Variants in ST6GAL2 observed in about 807,000 individuals in gnomAD.
ST6GAL2 encodes ST6 beta-galactoside alpha-2,6-sialyltransferase 2.
ST6GAL2 carries 24 observed loss-of-function variants against 37.5 expected under a neutral mutation model. The observed-to-expected ratio is 0.64, with a 90% confidence interval of 0.46 to 0.90. The LOEUF is 0.90. Among genes scored for constraint, ST6GAL2 ranks in the 40% least tolerant of loss-of-function variants. ST6GAL2 has a pLI of 0.00. For synonymous variants in ST6GAL2, 306 were observed against 295.1 expected, an observed-to-expected ratio of 1.04 and a Z score of -0.38; for missense variants, 715 against 712.7, an observed-to-expected ratio of 1.00 and a Z score of -0.04.
intron 1 of ST6GAL2, among the ~76,000 whole-genome samples, chr2:106,847,154 C>T (rs1348614615): frequency 6.6e-6 from 1 of 152,168 alleles, no homozygotes; most frequent in Non-Finnish European, 1.5e-5. Context: ...TTTAATATTT[C>T]CATTTCTGAA....
chr2:106,875,820 G>C (rs561779377), intron 1 of ST6GAL2, among the ~76,000 whole-genome samples: 188 of 152,236 alleles, frequency 1.2e-3, no homozygotes, highest in Non-Finnish European at 2.1e-3. Flanking sequence ...ATTATAATTG[G>C]GATAGAAATA....
At chr2:106,821,038 T>G (rs1675983897) in intron 5 of ST6GAL2, among the ~76,000 whole-genome samples, 1 of 151,766 alleles carries the variant, frequency 6.6e-6, no homozygotes, top group Admixed American at 6.6e-5. Flanking sequence ...AGCATCTACA[T>G]AAAAAAGTAG....
At chr2:106,827,076 G>A (rs1305673316) in intron 5 of ST6GAL2, among the ~76,000 whole-genome samples, 2 of 152,144 alleles carry the variant, frequency 1.3e-5, no homozygotes, top group Non-Finnish European at 2.9e-5. Flanking sequence ...TTTCATTCAG[G>A]AGCTGACGTT....
intron 1 of ST6GAL2, among the ~76,000 whole-genome samples, chr2:106,853,101 A>G (rs1001359874): frequency 3.3e-5 from 5 of 152,182 alleles, no homozygotes; most frequent in South Asian, 2.1e-4. Flanking sequence ...TAAAATTTTA[A>G]TAAGATTTAT....
Position 106,873,359 on chromosome 2 carries a change from T to C in ST6GAL2, c.-58+12734A>G, listed in dbSNP as rs906800019. On this transcript the variant is annotated intron_variant, in intron 1 of 5. Transcript: ENST00000409382. Reference sequence around the variant, plus strand: ...AATTCTTCATGGACAACTGATGTTGTATACTCCCCCTGGGGCAGAAGTACC... The same window carrying C: ...AATTCTTCATGGACAACTGATGTTGCATACTCCCCCTGGGGCAGAAGTACC... 3.3e-5 allele frequency among the ~76,000 whole-genome samples: 5 copies of C among 152,344 alleles called. No homozygotes were observed. In the South Asian group the frequency reaches 1.0e-3, roughly 32 times the overall value.
intron 1 of ST6GAL2, among the ~76,000 whole-genome samples, chr2:106,883,576 AT>A (rs1190310866): frequency 5.3e-5 from 8 of 150,184 alleles, no homozygotes; most frequent in Non-Finnish European, 1.2e-4. Flanking sequence ...ATTTCATCCC[AT>A]TTTTTTTAAG....
chr2:106,824,570 T>G lies in ST6GAL2; in HGVS notation c.1318+5496A>C, dbSNP rs552480260. Among the ~76,000 whole-genome samples the G allele has an allele frequency of 4.6e-5, 7 of 152,282 alleles. No individual in the cohort carries two copies. In the South Asian group the frequency reaches 1.5e-3, roughly 32 times the overall value. On this transcript the variant is annotated intron_variant, in intron 5 of 5. Transcript: ENST00000409382. ...TTGCTTGAACCCAGGAGGCAGAGGT[T>G]GCAGTGAGCCGAGAAGGCTCCACTG...
In ST6GAL2 at chr2:106,882,689, T is replaced by C. The variant is rs541682185; in HGVS notation, c.-58+3404A>G. On this transcript the variant is annotated intron_variant, in intron 1 of 5. Transcript: ENST00000409382. ...CTCTGATAAGGCTGTCTTTCTCCAGTGCTGGTCGCTGCAGAAGCACTGGCC... is the reference window on the plus strand; with the variant it reads ...CTCTGATAAGGCTGTCTTTCTCCAGCGCTGGTCGCTGCAGAAGCACTGGCC... Among the ~76,000 whole-genome samples the C allele has an allele frequency of 2.6e-4, 39 of 152,322 alleles. No individual in the cohort carries two copies. The South Asian group carries it at 8.1e-3, about 32-fold the overall frequency.
intron 1 of ST6GAL2, among the ~76,000 whole-genome samples, chr2:106,856,994 C>T (rs999930146): frequency 2.0e-5 from 3 of 152,146 alleles, no homozygotes; most frequent in African/African-American, 7.2e-5. Context: ...CAAAAATCAC[C>T]TTGGCAGATG....
At chr2:106,876,273 C>T (rs1678499129) in intron 1 of ST6GAL2, among the ~76,000 whole-genome samples, 1 of 152,036 alleles carries the variant, frequency 6.6e-6, no homozygotes, top group Non-Finnish European at 1.5e-5. Flanking sequence ...TTAAAATTTA[C>T]TTTTGGTCTT....
chr2:106,873,483 C>A (rs2104625949), intron 1 of ST6GAL2, among the ~76,000 whole-genome samples: 1 of 152,310 alleles, frequency 6.6e-6, no homozygotes, highest in East Asian at 1.9e-4. Flanking sequence ...ACACCAGGTG[C>A]TGAAAATGTA....
chr2:106,844,750 T>G (rs1677077299), intron 1 of ST6GAL2, among the ~76,000 whole-genome samples: 2 of 152,052 alleles, frequency 1.3e-5, no homozygotes, highest in South Asian at 4.2e-4. Context: ...GGAAGTACAT[T>G]AAAACTTGAA....
In ST6GAL2 at chr2:106,813,156, A is replaced by G. The variant is rs200605446; in HGVS notation, c.1319-6207T>C. 7,196 of 1,275,646 alleles carry G rather than the reference A, an allele frequency of 5.6e-3. 20 individuals carry two copies. Among genetic ancestry groups the G allele is most frequent in the Non-Finnish European group, 6.7e-3 (6,782 of 1,005,972 alleles). The allele number at this position is 1,275,646 out of a possible 1,614,324, so 79.0% of individuals were successfully genotyped here. A position where few individuals can be genotyped will look rare whatever the true frequency, so the allele number is the denominator to read the frequency against. On this transcript the variant is annotated intron_variant, in intron 5 of 5. Transcript: ENST00000409382. The stretch of plus-strand genomic sequence containing the variant: ...GAGATGGAGTCTCACTCTGTCGTCC[A>G]GGCTGGAGTGCAGTCGCGTGATCTC...
intron 5 of ST6GAL2, among the ~76,000 whole-genome samples, chr2:106,829,120 T>C (rs1676313658): frequency 6.6e-6 from 1 of 152,194 alleles, no homozygotes; most frequent in Admixed American, 6.5e-5. Flanking sequence ...CAACCAAGCA[T>C]GGCATAAGCT....
chr2:106,871,100 C>T (rs1394147660), intron 1 of ST6GAL2, among the ~76,000 whole-genome samples: 2 of 152,160 alleles, frequency 1.3e-5, no homozygotes, highest in Non-Finnish European at 2.9e-5. Flanking sequence ...TGCTTTGCTC[C>T]TAGGCTGCAA....
chr2:106,853,816 T>C (rs1483708482), intron 1 of ST6GAL2, among the ~76,000 whole-genome samples: 1 of 152,090 alleles, frequency 6.6e-6, no homozygotes, highest in Non-Finnish European at 1.5e-5. Flanking sequence ...GAGGTGGAAA[T>C]GATTCCAGAC....
chr2:106,886,177 G>A (rs1359974755), upstream of ST6GAL2: 1 of 152,256 alleles, frequency 6.6e-6, no homozygotes, highest in African/African-American at 2.4e-5. Flanking sequence ...TGGAGTCCAA[G>A]GCGTGCGTGT....
chr2:106,844,852 A>G (rs1404872608), intron 1 of ST6GAL2, among the ~76,000 whole-genome samples: 3 of 152,198 alleles, frequency 2.0e-5, no homozygotes. Context: ...GTAAGATACA[A>G]TGAAAGAGAA....
At chr2:106,839,311 G>T (rs910261739) in intron 2 of ST6GAL2, among the ~76,000 whole-genome samples, 10 of 152,064 alleles carry the variant, frequency 6.6e-5, no homozygotes, top group African/African-American at 1.9e-4. Flanking sequence ...CCTCTCCCTG[G>T]AGCAGTCTTT....
Sources: gnomAD v4.1 joint callset for allele counts (sites outside exome capture counted in the v4.1 genomes callset) on GRCh38, gnomAD v4.1.1 for gene constraint, MANE v1.5 for transcripts, NCBI Gene and HGNC (gene_info 2026-07-23, HGNC 2026-07-21) for gene names.